Variants in FAT2 observed in about 807,000 individuals in gnomAD.
The protein encoded by FAT2 is protocadherin Fat 2.
A neutral mutation model predicts 295.3 loss-of-function variants in FAT2; 150 were observed. That is an observed-to-expected ratio of 0.51 (90% CI 0.44 to 0.58). The LOEUF is 0.58. Ranked by LOEUF, FAT2 falls within the 20% of genes least tolerant of loss-of-function variation. The pLI, the probability that FAT2 is intolerant of heterozygous loss-of-function variation, is 0.00. For synonymous variants in FAT2, 2,026 were observed against 2,150.3 expected (o/e 0.94, Z 1.60); for missense variants, 4,868 against 5,442.7 (o/e 0.89, Z 3.32).
rs1352153759 is a variant in FAT2 at position 151,531,533 on chromosome 5, G to A, written c.9811+54C>T. On this transcript the variant is annotated intron_variant, in intron 14 of 23. Transcript: ENST00000261800. The surrounding 1 kb of genome is among the most constrained non-coding windows in gnomAD (Gnocchi z 5.7). Reference sequence around the variant, plus strand: ...TACCCACACAGGGGAGGAACCCAGCGCTCCCAGAAACCCTGTACGCGATGC... The same window carrying A: ...TACCCACACAGGGGAGGAACCCAGCACTCCCAGAAACCCTGTACGCGATGC... 10 of 1,601,254 alleles carry A rather than the reference G, an allele frequency of 6.2e-6. No individual in the cohort carries two copies. In the East Asian group the frequency reaches 8.9e-5, roughly 14 times the overall value.
chr5:151,563,757 T>C, intron 2 of FAT2, 118 bp from the exon 3 acceptor site: 1 of 769,984 alleles, frequency 1.3e-6, no homozygotes, highest in Non-Finnish European at 2.1e-6. Flanking sequence ...AAGTAGATTT[T>C]CTATGAAAAG....
chr5:151,591,994 C>T (rs1257734905), upstream of FAT2, among the ~76,000 whole-genome samples: 1 of 152,190 alleles, frequency 6.6e-6, no homozygotes, highest in African/African-American at 2.4e-5. Flanking sequence ...TTGGGCTCCC[C>T]CATCTATTAA....
At chr5:151,560,054 A>T (rs764369636) in intron 3 of FAT2, among the ~76,000 whole-genome samples, 3 of 152,116 alleles carry the variant, frequency 2.0e-5, no homozygotes, top group Admixed American at 1.3e-4. Flanking sequence ...TCCCTCATCC[A>T]ACAGTTTTCC....
intron 1 of FAT2, among the ~76,000 whole-genome samples, chr5:151,577,439 C>G (rs1758787545): frequency 6.6e-6 from 1 of 152,186 alleles, no homozygotes; most frequent in Admixed American, 6.5e-5. Flanking sequence ...GGTTTCTGCT[C>G]TTGTGGGTAC....
At chr5:151,564,452 T>C (rs1180524133) in intron 2 of FAT2, among the ~76,000 whole-genome samples, 1 of 152,252 alleles carries the variant, frequency 6.6e-6, no homozygotes, top group Non-Finnish European at 1.5e-5. Context: ...AGCTGTTTTC[T>C]TTCAGTGGCT....
chr5:151,543,851 G>A lies in FAT2; in HGVS notation c.7276C>T (p.His2426Tyr). 9 of 1,614,160 alleles carry A rather than the reference G, an allele frequency of 5.6e-6. No homozygotes were observed. Among genetic ancestry groups the A allele is most frequent in the Non-Finnish European group, 7.6e-6 (9 of 1,180,016 alleles). The change falls in exon 10 of 24, where the codon CAC (histidine) becomes TAC (tyrosine). Residue 2426 changes from histidine to tyrosine, a missense_variant. His to Tyr is a moderately conservative substitution (Grantham distance 83). Coordinates refer to ENST00000261800, the MANE Select transcript of FAT2 (RefSeq NM_001447.3). ...CCCGATGAGCTGTTAATGAAGAAGTGCCTGTCCTGATTGCCAGAAAGAATC... is the reference window on the plus strand; with the variant it reads ...CCCGATGAGCTGTTAATGAAGAAGTACCTGTCCTGATTGCCAGAAAGAATC... ...YLILSGNQDR[H>Y]FFINSSSGII...
rs1293018631 is a variant in FAT2, at chr5:151,567,948, C to T, written c.984G>A (p.Gly328=). Reference sequence around the variant, plus strand: ...TCCTGGCCTGGAGGCTGAGGTTGAACCCATGAAGGTACTCCATCCAGTTGA... The same window carrying T: ...TCCTGGCCTGGAGGCTGAGGTTGAATCCATGAAGGTACTCCATCCAGTTGA... ...KDINWMEYLH[G]FNLSLQARSG... The change falls in exon 2 of 24, where the codon GGG becomes GGA. Residue 328 remains glycine (G), a synonymous_variant. Coordinates refer to ENST00000261800, the MANE Select transcript of FAT2 (RefSeq NM_001447.3). The T allele has an allele frequency of 6.2e-7, 1 of 1,614,192 alleles. No homozygotes were observed.
rs186193947 is a variant in FAT2, at chr5:151,542,640, A to G, written c.8487T>C (p.Asp2829=). 4.0e-5 allele frequency: 64 copies of G among 1,614,166 alleles called. No individual in the cohort carries two copies. The East Asian group carries it at 5.8e-4, about 15-fold the overall frequency. The change falls in exon 10 of 24, where the codon GAT becomes GAC. Residue 2829 remains aspartate (D), a synonymous_variant. Transcript: ENST00000261800. ...VTAIDKDTGR[D]GQVSYRLSAD... is the part of the protein sequence containing the mutation. ...CAGACAGCCTGTAGCTCACCTGGCC[A>G]TCTCTCCCAGTGTCCTTGTCAATGG...
In FAT2 at chr5:151,571,827, T is replaced by C. The variant is rs973776118; in HGVS notation, c.-20-2876A>G. 4.6e-5 allele frequency among the ~76,000 whole-genome samples: 7 copies of C among 152,194 alleles called. No individual in the cohort carries two copies. The South Asian group carries it at 6.2e-4, about 14-fold the overall frequency. On this transcript the variant is annotated intron_variant, in intron 1 of 23. Transcript: ENST00000261800. ...TAAACGTACATCAATTCATATGACT[T>C]CCCTGCTTAACACTTTCCAGTGGCT...
At chr5:151,579,291 G>T (rs999813904) in intron 1 of FAT2, among the ~76,000 whole-genome samples, 1 of 152,172 alleles carries the variant, frequency 6.6e-6, no homozygotes, top group Non-Finnish European at 1.5e-5. Flanking sequence ...GCATGTAGGG[G>T]CCAGGCATGG....
chr5:151,524,304 T>C (rs1190089573), intron 18 of FAT2, among the ~76,000 whole-genome samples: 5 of 152,234 alleles, frequency 3.3e-5, no homozygotes, highest in Non-Finnish European at 7.3e-5. Context: ...CTACCAAGTA[T>C]TATTTTTAGT....
intron 1 of FAT2, among the ~76,000 whole-genome samples, chr5:151,569,286 T>C (rs776888135): frequency 3.8e-4 from 58 of 152,194 alleles, no homozygotes; most frequent in Non-Finnish European, 6.6e-4. Context: ...CCCATAATCA[T>C]GGCAGAAGGC....
upstream of FAT2, among the ~76,000 whole-genome samples, chr5:151,594,627 T>C (rs1408930757): frequency 6.6e-6 from 1 of 152,210 alleles, no homozygotes; most frequent in Non-Finnish European, 1.5e-5. Context: ...AGAAGAGTCA[T>C]GTCCATTTCC....
chr5:151,571,620 CT>C (rs1758529471), intron 1 of FAT2, among the ~76,000 whole-genome samples: 1 of 152,198 alleles, frequency 6.6e-6, no homozygotes. Flanking sequence ...CCTGCCCAGG[CT>C]GTAGGACCTG....
In FAT2 at chr5:151,512,251, G is replaced by A. The variant is rs746102336; in HGVS notation, c.11819C>T (p.Ala3940Val). 1.2e-6 allele frequency: 2 copies of A among 1,614,096 alleles called. No individual in the cohort carries two copies. Among genetic ancestry groups the A allele is most frequent in the African/African-American group, 2.7e-5 (2 of 74,946 alleles). ...ACTGTGGAGGCAGCACTGGGTGAGG[G>A]CTTGTGTCTCCAGCAAGCCTGCCAC... ...KTVAGLLETQ[A>V]LTQCCLHSDY... Residue 3940 changes from alanine (A) to valine (V), a missense_variant, in exon 21 of 24, where the codon GCC (alanine) becomes GTC (valine). Ala to Val is a moderately conservative substitution (Grantham distance 64). Around this residue, in one of 5 missense-constraint regions of FAT2, gnomAD observed 1,046 missense variants for 1,210.1 expected, o/e 0.86. Transcript: ENST00000261800. The surrounding 1 kb of genome is among the most constrained non-coding windows in gnomAD (Gnocchi z 4.1).
intron 1 of FAT2, among the ~76,000 whole-genome samples, chr5:151,569,341 G>A (rs775297648): frequency 9.9e-5 from 15 of 152,194 alleles, no homozygotes; most frequent in South Asian, 2.1e-4. Context: ...AGGCAAGAGC[G>A]CGTAGGCAGG....
chr5:151,568,567 G>A lies in FAT2; in HGVS notation c.365C>T (p.Thr122Ile), dbSNP rs1296990366. Reference protein sequence around the residue: ...RDSYTLIIQATEKTLELEALT... With the variant: ...RDSYTLIIQAIEKTLELEALT... ...AGCTTCCAACTCCAAGGTCTTCTCT[G>A]TGGCTTGGATGATGAGGGTGTAGCT... The change falls in exon 2 of 24, where the codon ACA becomes ATA. Residue 122 changes from threonine (T) to isoleucine (I), a missense_variant. By Grantham distance (89) the Thr-to-Ile change is moderately conservative. Around this residue, in one of 5 missense-constraint regions of FAT2, gnomAD observed 3,297 missense variants for 3,669.4 expected, o/e 0.90. Coordinates refer to ENST00000261800, the MANE Select transcript of FAT2 (RefSeq NM_001447.3). The A allele has an allele frequency of 1.2e-6, 2 of 1,614,170 alleles. No homozygotes were observed. Among genetic ancestry groups the A allele is most frequent in the Non-Finnish European group, 1.7e-6 (2 of 1,180,032 alleles).
Position 151,544,976 on chromosome 5 carries a change from C to T in FAT2, c.6151G>A (p.Val2051Met), listed in dbSNP as rs1488396353. ...GAGACTCTGACCAAACCCTGAGCCA[C>T]CCGCTGAGGTGTCCGATTGTCCCTC... Reference protein sequence around the residue: ...EVRDNRTPQRVAQGLVRVSIE... With the variant: ...EVRDNRTPQRMAQGLVRVSIE... The change falls in exon 10 of 24, where the codon GTG becomes ATG. Residue 2051 changes from valine to methionine, a missense_variant. Physicochemically the swap from Val to Met is conservative, Grantham distance 21. This residue lies in a region of FAT2 where 3,297 missense variants were observed against 3,669.4 expected (regional missense o/e 0.90). Transcript: ENST00000261800. 1.9e-6 allele frequency: 3 copies of T among 1,614,122 alleles called. No homozygotes were observed. The highest frequency in any genetic ancestry group is 2.2e-5 in the South Asian group (2 of 91,076).
intron 11 of FAT2, among the ~76,000 whole-genome samples, chr5:151,539,916 T>C (rs1250658953): frequency 6.6e-6 from 1 of 152,208 alleles, no homozygotes; most frequent in South Asian, 2.1e-4. Context: ...TTTGTGTCTC[T>C]GTACAAGTGA....
Sources: allele counts gnomAD v4.1 joint callset (sites outside exome capture counted in the v4.1 genomes callset), GRCh38; gene constraint gnomAD v4.1.1; regional missense constraint gnomAD v4.1.1; non-coding constraint Gnocchi (gnomAD v3.1); transcripts MANE v1.5; gene names NCBI Gene and HGNC (gene_info 2026-07-23, HGNC 2026-07-21).